TRPS1: variants seen among roughly 807,000 people sequenced by gnomAD.
TRPS1 encodes transcriptional repressor GATA binding 1.
A neutral mutation model predicts 101.2 loss-of-function variants in TRPS1; 6 were observed. The observed-to-expected ratio is 0.06, with a 90% confidence interval of 0.03 to 0.12. The LOEUF is 0.12. TRPS1 is among the 10% of genes least tolerant of loss of function. The pLI is 1.00. For synonymous variants in TRPS1, 578 were observed against 589.8 expected (o/e 0.98, Z 0.29); for missense variants, 1,363 against 1,567.0 (o/e 0.87, Z 2.20).
chr8:115,660,713 G>C (rs577961623), intron 1 of TRPS1, among the ~76,000 whole-genome samples: 2 of 151,656 alleles, frequency 1.3e-5, no homozygotes, highest in African/African-American at 4.8e-5. Context: ...TAAATCATTT[G>C]TTTATTCATG....
At chr8:115,648,747 T>G (rs1010660411) in intron 1 of TRPS1, among the ~76,000 whole-genome samples, 1 of 152,196 alleles carries the variant, frequency 6.6e-6, no homozygotes, top group Non-Finnish European at 1.5e-5. Flanking sequence ...TCTTTAAAGC[T>G]CTTTCATAAA....
intron 5 of TRPS1, among the ~76,000 whole-genome samples, chr8:115,474,317 T>C (rs906419466): frequency 3.9e-5 from 6 of 152,150 alleles, no homozygotes; most frequent in Non-Finnish European, 8.8e-5. Context: ...TCAGAAGTTT[T>C]GTTATTTAAC....
intron 5 of TRPS1, among the ~76,000 whole-genome samples, chr8:115,540,590 G>A (rs1816428887): frequency 6.6e-6 from 1 of 151,724 alleles, no homozygotes; most frequent in Non-Finnish European, 1.5e-5. Flanking sequence ...GAAAAAGTCA[G>A]TTAAAGTGGG....
chr8:115,640,373 A>T (rs1385989522), intron 1 of TRPS1, among the ~76,000 whole-genome samples: 1 of 152,202 alleles, frequency 6.6e-6, no homozygotes, highest in Admixed American at 6.5e-5. Context: ...GAAAACATGC[A>T]TTTCCTTAAA....
chr8:115,656,127 T>C (rs997903052), intron 1 of TRPS1, among the ~76,000 whole-genome samples: 1 of 152,200 alleles, frequency 6.6e-6, no homozygotes, highest in Non-Finnish European at 1.5e-5. Context: ...TTTGGTATCT[T>C]AAATTTATTT....
chr8:115,539,323 T>A (rs1477010358), intron 5 of TRPS1, among the ~76,000 whole-genome samples: 2 of 152,330 alleles, frequency 1.3e-5, no homozygotes, highest in South Asian at 2.1e-4. Context: ...AATGTTATTT[T>A]AAAAAATTTC....
In TRPS1 at chr8:115,579,222, G is replaced by A. The variant is rs532111987; in HGVS notation, c.2700+7779C>T. On this transcript the variant is annotated intron_variant, in intron 5 of 6. Transcript: ENST00000395715. ...AATTGACAACCAGTTATAAATATCC[G>A]TCTATTTTAACCAAATATTTTTTGT... is the stretch of plus-strand genomic sequence containing the variant. 1.1e-4 allele frequency among the ~76,000 whole-genome samples: 17 copies of A among 152,142 alleles called. No individual in the cohort carries two copies. The South Asian group carries it at 1.2e-3, about 11-fold the overall frequency.
At chr8:115,575,139 G>A (rs1817287713) in intron 5 of TRPS1, among the ~76,000 whole-genome samples, 1 of 151,978 alleles carries the variant, frequency 6.6e-6, no homozygotes, top group Non-Finnish European at 1.5e-5. Flanking sequence ...CAAGCAAGTT[G>A]CAATTATTCA....
At chr8:115,617,888 CA>C (rs1818307287) in intron 3 of TRPS1, among the ~76,000 whole-genome samples, 1 of 152,204 alleles carries the variant, frequency 6.6e-6, no homozygotes, top group Admixed American at 6.5e-5. Flanking sequence ...AGAACTTTAC[CA>C]AGATGAAACT....
At chr8:115,439,358 T>C (rs1813533977) in intron 5 of TRPS1, among the ~76,000 whole-genome samples, 1 of 152,174 alleles carries the variant, frequency 6.6e-6, no homozygotes, top group East Asian at 1.9e-4. Flanking sequence ...GGACAGACAT[T>C]GAGCTAGTGG....
chr8:115,517,109 T>C (rs1815732406), intron 5 of TRPS1, among the ~76,000 whole-genome samples: 1 of 151,678 alleles, frequency 6.6e-6, no homozygotes, highest in Admixed American at 6.6e-5. Context: ...CATCCAAATC[T>C]AGAATATTTT....
At chr8:115,439,129 C>T (rs1012478) in intron 5 of TRPS1, among the ~76,000 whole-genome samples, 36,308 of 144,342 alleles carry the variant, frequency 0.25, 5,078 homozygotes, top group Middle Eastern at 0.48. Context: ...AGTTTAGAGA[C>T]CTACACTCTA....
At chr8:115,598,149 A>G (rs1817829739) in intron 4 of TRPS1, among the ~76,000 whole-genome samples, 1 of 152,068 alleles carries the variant, frequency 6.6e-6, no homozygotes, top group Non-Finnish European at 1.5e-5. Flanking sequence ...TTATTTCATC[A>G]TTCCATTTTT....
At chr8:115,485,523 G>A (rs1428874772) in intron 5 of TRPS1, among the ~76,000 whole-genome samples, 2 of 152,088 alleles carry the variant, frequency 1.3e-5, no homozygotes, top group African/African-American at 2.4e-5. Flanking sequence ...TAGAACATAC[G>A]CCTCTTTAGT....
chr8:115,617,979 T>C (rs555158779), intron 3 of TRPS1, among the ~76,000 whole-genome samples: 1 of 152,310 alleles, frequency 6.6e-6, no homozygotes, highest in Non-Finnish European at 1.5e-5. Context: ...GAAATTTCTC[T>C]TCTGATTCTT....
chr8:115,427,049 A>T (rs538019211), intron 5 of TRPS1, among the ~76,000 whole-genome samples: 5 of 152,110 alleles, frequency 3.3e-5, no homozygotes, highest in African/African-American at 1.2e-4. Flanking sequence ...AGGTGGGAGG[A>T]TTGCTTGAGG....
At chr8:115,654,485 A>G (rs2737259) in intron 1 of TRPS1, among the ~76,000 whole-genome samples, 142,460 of 152,250 alleles carry the variant, frequency 0.94, 66,776 homozygotes, top group East Asian at 1. Flanking sequence ...CACAGATGCC[A>G]TCTACAGTTT....
At chr8:115,599,508 A>G (rs1408715818) in intron 4 of TRPS1, among the ~76,000 whole-genome samples, 2 of 151,886 alleles carry the variant, frequency 1.3e-5, no homozygotes, top group Non-Finnish European at 2.9e-5. Context: ...ACTCTCCAAC[A>G]AGCCCAGTGT....
At chr8:115,480,598 A>G (rs1173061171) in intron 5 of TRPS1, among the ~76,000 whole-genome samples, 1 of 152,056 alleles carries the variant, frequency 6.6e-6, no homozygotes, top group African/African-American at 2.4e-5. Flanking sequence ...CTGGAAGGCT[A>G]TATCAAATCT....
Sources: gnomAD v4.1 joint callset for allele counts (sites outside exome capture counted in the v4.1 genomes callset) on GRCh38, gnomAD v4.1.1 for gene constraint, MANE v1.5 for transcripts, NCBI Gene and HGNC (gene_info 2026-07-23, HGNC 2026-07-21) for gene names.